The following CNTLN variants were observed in gnomAD, a reference collection of about 807,000 sequenced individuals.
CNTLN encodes centlein.
A neutral mutation model predicts 180.0 loss-of-function variants in CNTLN; 212 were observed. That is an observed-to-expected ratio of 1.18 (90% confidence interval 1.05 to 1.32). CNTLN has a LOEUF of 1.32. CNTLN is among the 40% of genes most tolerant of loss of function. The pLI, the probability that CNTLN is intolerant of heterozygous loss-of-function variation, is 0.00. For synonymous variants in CNTLN, 722 were observed against 563.1 expected (o/e 1.28, Z -3.99); for missense variants, 2,095 against 1,610.9 (o/e 1.30, Z -5.14).
chr9:17,221,462 T>C (rs1219303280), intron 2 of CNTLN, among the ~76,000 whole-genome samples: 1 of 152,120 alleles, frequency 6.6e-6, no homozygotes, highest in African/African-American at 2.4e-5. Flanking sequence ...TTAAATGTAC[T>C]ATTAACGTAT....
At position 17,342,212 on chromosome 9, in the gene CNTLN, C is replaced by T. The variant is rs752824260; in HGVS notation, c.1767-113C>T. On this transcript the variant is annotated intron_variant, in intron 11 of 25. Coordinates refer to ENST00000380647, the MANE Select transcript of CNTLN (RefSeq NM_017738.4). ...GGAAATTCATTCAATAAATGGTGAA[C>T]TCGAGTTAGAAATTTGGTCAATAGA... 20 of 1,020,726 alleles carry T rather than the reference C, an allele frequency of 2.0e-5. No individual in the cohort carries two copies. The South Asian group carries it at 2.4e-4, about 12-fold the overall frequency. The allele number at this position is 1,020,726 out of a possible 1,614,324, so 63.2% of individuals were successfully genotyped here.
chr9:17,460,096 A>C (rs1029593624), intron 19 of CNTLN, among the ~76,000 whole-genome samples: 1 of 151,734 alleles, frequency 6.6e-6, no homozygotes, highest in African/African-American at 2.4e-5. Flanking sequence ...TATCCAGTTA[A>C]TATTAGACTT....
chr9:17,231,861 C>G (rs143691508), intron 3 of CNTLN, among the ~76,000 whole-genome samples: 1 of 150,622 alleles, frequency 6.6e-6, no homozygotes, highest in African/African-American at 2.4e-5. Context: ...CTATTATTCT[C>G]TTGTTACTCT....
intron 18 of CNTLN, among the ~76,000 whole-genome samples, chr9:17,427,284 T>C (rs1360881856): frequency 3.5e-5 from 1 of 28,908 alleles, no homozygotes; most frequent in Non-Finnish European, 1.1e-4. Context: ...TTGCTGCTTC[T>C]TTTTTTTTTT....
At chr9:17,228,008 T>G (rs1824581446) in intron 3 of CNTLN, among the ~76,000 whole-genome samples, 1 of 152,048 alleles carries the variant, frequency 6.6e-6, no homozygotes, top group South Asian at 2.1e-4. Context: ...TATTTACATT[T>G]TACTGGAAAA....
chr9:17,225,511 C>A (rs76177262), intron 2 of CNTLN, among the ~76,000 whole-genome samples: 3,381 of 152,126 alleles, frequency 0.022, 126 homozygotes, highest in African/African-American at 0.077. Context: ...AGTGTCCAAT[C>A]AATTTCCCCT....
At chr9:17,315,408 T>C (rs1252749664) in intron 8 of CNTLN, among the ~76,000 whole-genome samples, 1 of 152,110 alleles carries the variant, frequency 6.6e-6, no homozygotes, top group Non-Finnish European at 1.5e-5. Flanking sequence ...AGCTTCTCTT[T>C]ATTTTTGGTT....
chr9:17,406,050 C>G (rs981415170), intron 15 of CNTLN, among the ~76,000 whole-genome samples: 5 of 151,776 alleles, frequency 3.3e-5, no homozygotes, highest in African/African-American at 1.2e-4. Flanking sequence ...ATCAAATAGC[C>G]TAATACAAAT....
chr9:17,155,719 C>G (rs1290013565), intron 2 of CNTLN, among the ~76,000 whole-genome samples: 1 of 152,032 alleles, frequency 6.6e-6, no homozygotes, highest in African/African-American at 2.4e-5. Flanking sequence ...GTGGGACCTG[C>G]TGAGCCAGAC....
intron 16 of CNTLN, among the ~76,000 whole-genome samples, chr9:17,415,168 A>G (rs1828134862): frequency 6.6e-6 from 1 of 152,204 alleles, no homozygotes; most frequent in Admixed American, 6.5e-5. Context: ...TTTTGAAACC[A>G]AAAGTCAACA....
At position 17,250,976 on chromosome 9, in the gene CNTLN, T is replaced by C. The variant is rs1273771213; in HGVS notation, c.849+14388T>C. Among the ~76,000 whole-genome samples, 5 of 152,052 alleles carry C rather than the reference T, an allele frequency of 3.3e-5. No individual in the cohort carries two copies. In the South Asian group the frequency reaches 8.3e-4, roughly 25 times the overall value. On this transcript the variant is annotated intron_variant, in intron 5 of 25. Coordinates refer to ENST00000380647, the MANE Select transcript of CNTLN (RefSeq NM_017738.4). ...ACTTCTCTCAGTTTTTATTTGTAAA[T>C]GTCTTAATTTCTCCCTTTTTAAGGA...
chr9:17,411,746 A>T (rs1827858626), intron 16 of CNTLN, among the ~76,000 whole-genome samples: 1 of 152,144 alleles, frequency 6.6e-6, no homozygotes, highest in East Asian at 1.9e-4. Context: ...TGATGATCTG[A>T]GGTAGAACAG....
chr9:17,406,787 G>C (rs142459470), intron 15 of CNTLN, among the ~76,000 whole-genome samples: 1,808 of 151,722 alleles, frequency 0.012, 78 homozygotes, highest in African/African-American at 0.041. Context: ...TTTGAATAAT[G>C]AATGAATAAA....
chr9:17,424,756 A>G (rs1828961937), intron 18 of CNTLN, among the ~76,000 whole-genome samples: 1 of 152,142 alleles, frequency 6.6e-6, no homozygotes, highest in Non-Finnish European at 1.5e-5. Flanking sequence ...TGGTAGCTTT[A>G]TAACAGGAGG....
chr9:17,311,347 G>A (rs541348289), intron 8 of CNTLN, among the ~76,000 whole-genome samples: 4 of 151,634 alleles, frequency 2.6e-5, no homozygotes, highest in South Asian at 2.1e-4. Context: ...TAATTTAGGC[G>A]GATTAATCAT....
At chr9:17,418,688 A>AT (rs897074482) in intron 18 of CNTLN, among the ~76,000 whole-genome samples, 2 of 151,650 alleles carry the variant, frequency 1.3e-5, no homozygotes, top group African/African-American at 4.8e-5. Context: ...AACCCTCAAC[A>AT]TTTTTTTTAT....
intron 15 of CNTLN, 140 bp from the exon 16 acceptor site, chr9:17,409,153 T>C (rs1038802382): frequency 1.5e-6 from 1 of 665,416 alleles, no homozygotes; most frequent in Non-Finnish European, 2.6e-6. Flanking sequence ...CCTTTCACAT[T>C]GAGAACCAGT....
In CNTLN at chr9:17,210,601, T is replaced by C. The variant is rs144454375; in HGVS notation, c.450-15602T>C. Reference sequence around the variant, plus strand: ...CCCAGTAATGGGATGAGTCAAATGGTATTTCTAGTTCTAGATCCTTGAGGA... The same window carrying C: ...CCCAGTAATGGGATGAGTCAAATGGCATTTCTAGTTCTAGATCCTTGAGGA... On this transcript the variant is annotated intron_variant, in intron 2 of 25. Coordinates refer to ENST00000380647, the MANE Select transcript of CNTLN (RefSeq NM_017738.4). Among the ~76,000 whole-genome samples, 1,038 of 152,294 alleles carry C rather than the reference T, an allele frequency of 6.8e-3. 12 individuals carry two copies. Among genetic ancestry groups the C allele is most frequent in the African/African-American group, 0.024 (982 of 41,566 alleles).
At chr9:17,277,641 ATAAT>A (rs1051476862) in intron 6 of CNTLN, among the ~76,000 whole-genome samples, 1 of 152,122 alleles carries the variant, frequency 6.6e-6, no homozygotes, top group African/African-American at 2.4e-5. Context: ...AGAACCCAAA[ATAAT>A]TTATATATAG....
Sources: gnomAD v4.1 joint callset for allele counts (sites outside exome capture counted in the v4.1 genomes callset) on GRCh38, gnomAD v4.1.1 for gene constraint, MANE v1.5 for transcripts, NCBI Gene and HGNC (gene_info 2026-07-23, HGNC 2026-07-21) for gene names.